TRHDE: variants seen among roughly 807,000 people sequenced by gnomAD.
The protein encoded by TRHDE is thyrotropin releasing hormone degrading enzyme.
A neutral mutation model predicts 125.7 loss-of-function variants in TRHDE; 72 were observed. That is an observed-to-expected ratio of 0.57 (90% CI 0.47 to 0.70). The LOEUF is 0.70. Among genes scored for constraint, TRHDE ranks in the 30% least tolerant of loss-of-function variants. The pLI is 0.00. For synonymous variants in TRHDE, 509 were observed against 509.1 expected (o/e 1.00, Z 0.00); for missense variants, 1,110 against 1,327.1 (o/e 0.84, Z 2.54).
intron 2 of TRHDE, among the ~76,000 whole-genome samples, chr12:72,344,577 G>A (rs1203315103): frequency 6.6e-6 from 1 of 152,102 alleles, no homozygotes; most frequent in Non-Finnish European, 1.5e-5. Flanking sequence ...TCCAGTGATA[G>A]GATGATGCAA....
At chr12:72,317,813 A>G (rs1408351826) in intron 2 of TRHDE, among the ~76,000 whole-genome samples, 7 of 152,098 alleles carry the variant, frequency 4.6e-5, no homozygotes, top group Non-Finnish European at 5.9e-5. Flanking sequence ...ACGGATAACA[A>G]TGGCATGCGT....
chr12:72,423,706 T>C (rs950218295), intron 3 of TRHDE, among the ~76,000 whole-genome samples: 2 of 152,144 alleles, frequency 1.3e-5, no homozygotes, highest in African/African-American at 2.4e-5. Flanking sequence ...TTGCAATCAG[T>C]TTACTAAGGT....
intron 1 of TRHDE, among the ~76,000 whole-genome samples, chr12:72,095,068 T>C (rs1168937864): frequency 6.6e-6 from 1 of 152,250 alleles, no homozygotes; most frequent in Non-Finnish European, 1.5e-5. Flanking sequence ...ACATACCAGC[T>C]CTGAAGGACA....
intron 3 of TRHDE, among the ~76,000 whole-genome samples, chr12:72,452,169 T>C (rs1306044894): frequency 1.4e-5 from 2 of 147,250 alleles, no homozygotes; most frequent in African/African-American, 5.3e-5. Flanking sequence ...TTCTGCCTTA[T>C]TGGTTATATT....
At chr12:72,629,518 C>T (rs1195889821) in intron 15 of TRHDE, among the ~76,000 whole-genome samples, 2 of 151,562 alleles carry the variant, frequency 1.3e-5, no homozygotes, top group Non-Finnish European at 2.9e-5. Context: ...TTTAATAGCC[C>T]AACTGTTTAT....
chr12:72,187,554 G>A (rs1246014911), intron 2 of TRHDE, among the ~76,000 whole-genome samples: 1 of 151,332 alleles, frequency 6.6e-6, no homozygotes, highest in African/African-American at 2.4e-5. Flanking sequence ...TGATGTATCA[G>A]TCCCAGTTCA....
chr12:72,399,857 C>G (rs1024402917), intron 3 of TRHDE, among the ~76,000 whole-genome samples: 1 of 152,048 alleles, frequency 6.6e-6, no homozygotes, highest in African/African-American at 2.4e-5. Flanking sequence ...TTTCTAGATT[C>G]TTTATTGCCT....
Position 72,318,670 on chromosome 12 carries a change from A to G in TRHDE, c.1188+31716A>G, listed in dbSNP as rs541585053. On this transcript the variant is annotated intron_variant, in intron 2 of 18. Transcript: ENST00000261180. ...GTATGAATTCAAACTGATCCTTTTT[A>G]TATCCTGGCTCCATTATGTCCCAGC... 5.9e-5 allele frequency among the ~76,000 whole-genome samples: 9 copies of G among 152,130 alleles called. No individual in the cohort carries two copies. The South Asian group carries it at 1.9e-3, about 32-fold the overall frequency.
At chr12:72,163,831 G>A (rs905098703) in intron 2 of TRHDE, among the ~76,000 whole-genome samples, 1 of 152,206 alleles carries the variant, frequency 6.6e-6, no homozygotes, top group African/African-American at 2.4e-5. Context: ...ACTCAAATCG[G>A]CAGAGCGCGG....
At chr12:72,512,452 AATT>A (rs1181769359) in intron 6 of TRHDE, among the ~76,000 whole-genome samples, 2 of 140,172 alleles carry the variant, frequency 1.4e-5, no homozygotes, top group African/African-American at 2.6e-5. Flanking sequence ...ATAATTATAT[AATT>A]ATAATATATT....
intron 12 of TRHDE, among the ~76,000 whole-genome samples, chr12:72,599,105 T>C (rs10748203): frequency 0.42 from 63,592 of 151,926 alleles, 16,592 homozygotes; most frequent in African/African-American, 0.73. Context: ...GTATATGTAC[T>C]ATATTTTTAT....
rs114422592 is a variant in TRHDE at position 72,454,138 on chromosome 12, G to A, written c.1316-15620G>A. Among the ~76,000 whole-genome samples, 839 of 152,064 alleles carry A rather than the reference G, an allele frequency of 5.5e-3. 3 individuals are homozygous for A. The highest frequency in any genetic ancestry group is 0.018 in the African/African-American group (766 of 41,476). ...ATATGCGTGTAGAGTGAAGTTCATT[G>A]TAAGAGTAGTATAAATCAATAGTGC... On this transcript the variant is annotated intron_variant, in intron 3 of 18. Transcript: ENST00000261180.
At chr12:72,171,252 G>GA (rs149653500) in intron 2 of TRHDE, among the ~76,000 whole-genome samples, 17,869 of 148,470 alleles carry the variant, frequency 0.12, 1,876 homozygotes, top group African/African-American at 0.29. Flanking sequence ...AAATGTCCAA[G>GA]AAAAAAAAAA....
chr12:72,248,625 T>C (rs190293446), intron 2 of TRHDE, among the ~76,000 whole-genome samples: 76 of 152,280 alleles, frequency 5.0e-4, no homozygotes, highest in African/African-American at 1.7e-3. Context: ...TAGAATTTAC[T>C]GATTGTGTAA....
chr12:72,586,798 A>G (rs1871460346), intron 12 of TRHDE, among the ~76,000 whole-genome samples: 1 of 152,022 alleles, frequency 6.6e-6, no homozygotes, highest in Non-Finnish European at 1.5e-5. Context: ...AAAATGAAAA[A>G]AAAAAAAAAA....
chr12:72,119,610 G>T (rs1875528959), intron 2 of TRHDE, among the ~76,000 whole-genome samples: 1 of 152,130 alleles, frequency 6.6e-6, no homozygotes, highest in African/African-American at 2.4e-5. Flanking sequence ...TGGACAATTT[G>T]CTCAGTACAG....
chr12:72,276,620 T>C (rs1280362025), intron 1 of TRHDE, among the ~76,000 whole-genome samples: 1 of 152,230 alleles, frequency 6.6e-6, no homozygotes, highest in Non-Finnish European at 1.5e-5. Flanking sequence ...TTTGTACAAC[T>C]GGGAAGACTT....
intron 2 of TRHDE, among the ~76,000 whole-genome samples, chr12:72,106,109 A>T (rs955862382): frequency 2.0e-5 from 3 of 152,134 alleles, no homozygotes; most frequent in South Asian, 2.1e-4. Flanking sequence ...TGCCTGCAAC[A>T]TCAGAGGGTT....
chr12:72,542,500 T>C, intron 7 of TRHDE, 144 bp downstream of exon 7: 1 of 554,066 alleles, frequency 1.8e-6, no homozygotes, highest in Non-Finnish European at 3.0e-6. Flanking sequence ...ATATGACAAA[T>C]GAAAATTCTA....
Sources: gnomAD v4.1 joint callset for allele counts (sites outside exome capture counted in the v4.1 genomes callset) on GRCh38, gnomAD v4.1.1 for gene constraint, MANE v1.5 for transcripts, NCBI Gene and HGNC (gene_info 2026-07-23, HGNC 2026-07-21) for gene names.